RAD21: variants seen among roughly 807,000 people sequenced by gnomAD.
RAD21 encodes the protein double-strand-break repair protein rad21 homolog.
RAD21 carries 18 observed loss-of-function variants against 71.5 expected under a neutral mutation model. That is an observed-to-expected ratio of 0.25 (90% CI 0.17 to 0.37). RAD21 has a LOEUF of 0.37. Among genes scored for constraint, RAD21 ranks in the 10% least tolerant of loss-of-function variants. The probability of loss-of-function intolerance (pLI) is 1.00; values close to 1 mark genes in which losing one functional copy is unlikely to be tolerated. For missense variants in RAD21, 493 were observed against 769.1 expected, an observed-to-expected ratio of 0.64 and a Z score of 4.25; for synonymous variants, 248 against 254.0, an observed-to-expected ratio of 0.98 and a Z score of 0.22.
chr8:116,866,583 T>C lies in RAD21; in HGVS notation c.144+3A>G. 2.5e-6 allele frequency: 4 copies of C among 1,595,452 alleles called. No individual in the cohort carries two copies. The highest frequency in any genetic ancestry group is 1.7e-4 in the Middle Eastern group (1 of 6,002). ...TGAATAAAAATGTCAACATCAAACA[T>C]ACCTTTGGTGAGATGATACTCTCCA... On this transcript the variant is annotated splice_donor_region_variant and intron_variant, in intron 2 of 13. Transcript: ENST00000297338.
intron 4 of RAD21, among the ~76,000 whole-genome samples, chr8:116,859,159 A>G (rs1812532667): frequency 6.6e-6 from 1 of 151,040 alleles, no homozygotes; most frequent in South Asian, 2.1e-4. Flanking sequence ...CTGACTGGCT[A>G]TCATATAGGC....
Position 116,856,138 on chromosome 8 carries a change from G to A in RAD21, c.937+28C>T, listed in dbSNP as rs753784889. The stretch of plus-strand genomic sequence containing the variant: ...GAAATAGGACCTTATGTTGTATGCT[G>A]TATAAATCTAAAGGTTCATATGCTT... On this transcript the variant is annotated intron_variant, in intron 8 of 13. Transcript: ENST00000297338. 6 of 1,601,512 alleles carry A rather than the reference G, an allele frequency of 3.7e-6. No homozygotes were observed. The East Asian group carries it at 1.4e-4, about 36-fold the overall frequency.
At chr8:116,866,879 GTAAATGTTTAATATGTATTT>G in intron 1 of RAD21, 118 bp from the exon 2 acceptor site, 1 of 576,886 alleles carries the variant, frequency 1.7e-6, no homozygotes, top group Middle Eastern at 4.5e-4. Context: ...AAATGCTTGA[GTAAATGTTTAATATGTATTT>G]TAAAAACAAC....
chr8:116,872,248 G>A (rs1812838354), intron 1 of RAD21, among the ~76,000 whole-genome samples: 1 of 152,068 alleles, frequency 6.6e-6, no homozygotes, highest in African/African-American at 2.4e-5. Flanking sequence ...TTGAGCATTC[G>A]TGGTTTTGGT....
chr8:116,866,935 A>G (rs901222633), intron 1 of RAD21, 174 bp from the exon 2 acceptor site: 51 of 426,730 alleles, frequency 1.2e-4, no homozygotes, highest in Non-Finnish European at 1.6e-4. Flanking sequence ...CTATTGTTTT[A>G]ATTTTGAGAG....
In RAD21 at chr8:116,856,785, TGTAA is replaced by T; in HGVS notation, c.689-18_689-15del. On this transcript the variant is annotated splice_polypyrimidine_tract_variant and intron_variant, in intron 6 of 13. Transcript: ENST00000297338. ...TAAGTTTGTCATCTGAAATAGGGAA[TGTAA>T]GTTAGTTATAATTTGAAAAAGAAAT... The T allele has an allele frequency of 6.7e-7, 1 of 1,482,006 alleles. No homozygotes were observed. Among genetic ancestry groups the T allele is most frequent in the Non-Finnish European group, 9.0e-7 (1 of 1,107,600 alleles). 91.8% of individuals were successfully genotyped at this position (1,482,006 alleles called of 1,614,324 possible).
intron 1 of RAD21, among the ~76,000 whole-genome samples, chr8:116,873,920 A>T (rs1811919898): frequency 6.6e-6 from 1 of 152,242 alleles, no homozygotes; most frequent in Admixed American, 6.5e-5. Context: ...AAAACCAATT[A>T]TGCAAATATC....
At chr8:116,867,007 T>C (rs1005741267) in intron 1 of RAD21, 7 of 253,106 alleles carry the variant, frequency 2.8e-5, no homozygotes, top group Non-Finnish European at 5.2e-5. Flanking sequence ...AGAGTCAAAT[T>C]GCTTTCATGC....
At chr8:116,868,726 CA>C (rs1426325295) in intron 1 of RAD21, among the ~76,000 whole-genome samples, 2 of 151,496 alleles carry the variant, frequency 1.3e-5, no homozygotes, top group Admixed American at 1.3e-4. Context: ...CTATAATACT[CA>C]AGATTGGTAT....
At chr8:116,860,911 G>A (rs1274378716) in intron 4 of RAD21, among the ~76,000 whole-genome samples, 1 of 152,136 alleles carries the variant, frequency 6.6e-6, no homozygotes, top group Non-Finnish European at 1.5e-5. Context: ...TCTGGTGGGG[G>A]TTGTGAGGTA....
chr8:116,852,698 C>T lies in RAD21; in HGVS notation c.1172G>A (p.Arg391His), dbSNP rs1812377312. Residue 391 changes from arginine to histidine, a missense_variant, in exon 10 of 14, where the codon CGC (arginine) becomes CAC (histidine). This residue lies in a region of RAD21 where 42 missense variants were observed against 117.2 expected (regional missense o/e 0.36). Transcript: ENST00000297338. ...WNNRLLKLFT[R>H]CLTPLVPEDL... Reference sequence around the variant, plus strand: ...TTCTGGTACAAGCGGTGTAAGACAGCGTGTAAAGAGCTATTAAAAAAAAAA... The same window carrying T: ...TTCTGGTACAAGCGGTGTAAGACAGTGTGTAAAGAGCTATTAAAAAAAAAA... 16 of 1,511,720 alleles carry T rather than the reference C, an allele frequency of 1.1e-5. No individual in the cohort carries two copies. The highest frequency in any genetic ancestry group is 1.4e-5 in the South Asian group (1 of 70,978). The allele number at this position is 1,511,720 out of a possible 1,614,324, so 93.6% of individuals were successfully genotyped here.
intron 1 of RAD21, among the ~76,000 whole-genome samples, chr8:116,872,075 CA>C (rs951384243): frequency 2.0e-5 from 3 of 151,522 alleles, no homozygotes; most frequent in African/African-American, 7.3e-5. Context: ...GAGGGGGGGA[CA>C]AAAAAACACA....
At chr8:116,847,805 T>C in intron 13 of RAD21, 114 bp from the exon 14 acceptor site, 1 of 1,043,072 alleles carries the variant, frequency 9.6e-7, no homozygotes, top group South Asian at 1.7e-5. Flanking sequence ...TGAAACGTAA[T>C]TTCCCAGTGT....
Position 116,871,850 on chromosome 8 carries a change from T to G in RAD21, c.-33+2761A>C, listed in dbSNP as rs527519870. Among the ~76,000 whole-genome samples, 4 of 152,344 alleles carry G rather than the reference T, an allele frequency of 2.6e-5. No homozygotes were observed. The East Asian group carries it at 7.7e-4, about 29-fold the overall frequency. On this transcript the variant is annotated intron_variant, in intron 1 of 13. Coordinates refer to ENST00000297338, the MANE Select transcript of RAD21 (RefSeq NM_006265.3). ...AAGATAAGTAAATGTCACTAGTATT[T>G]AATGGAAGTGGAACTTGAACTTCAG... is the stretch of plus-strand genomic sequence containing the variant.
At chr8:116,868,447 G>A (rs1180392012) in intron 1 of RAD21, among the ~76,000 whole-genome samples, 2 of 152,116 alleles carry the variant, frequency 1.3e-5, no homozygotes, top group African/African-American at 4.8e-5. Flanking sequence ...AAATAAACCT[G>A]CTATAAATAT....
At chr8:116,862,275 A>C (rs745656453) in intron 3 of RAD21, among the ~76,000 whole-genome samples, 1 of 151,982 alleles carries the variant, frequency 6.6e-6, no homozygotes, top group Non-Finnish European at 1.5e-5. Context: ...TGTTAAAAGG[A>C]GCTGGTTATT....
At chr8:116,871,328 A>C (rs1195097601) in intron 1 of RAD21, among the ~76,000 whole-genome samples, 1 of 152,198 alleles carries the variant, frequency 6.6e-6, no homozygotes, top group African/African-American at 2.4e-5. Context: ...TCATGATTTG[A>C]GAATCATTTT....
chr8:116,860,813 T>C lies in RAD21; in HGVS notation c.374+1028A>G, dbSNP rs139778891. On this transcript the variant is annotated intron_variant, in intron 4 of 13. Coordinates refer to ENST00000297338, the MANE Select transcript of RAD21 (RefSeq NM_006265.3). Reference sequence around the variant, plus strand: ...ATTTTTTTAAAGGTGTGATGGGTCATGGAGGCTTTAAAAATTCTTTACCTC... The same window carrying C: ...ATTTTTTTAAAGGTGTGATGGGTCACGGAGGCTTTAAAAATTCTTTACCTC... 3.9e-5 allele frequency among the ~76,000 whole-genome samples: 6 copies of C among 152,298 alleles called. No homozygotes were observed. The East Asian group carries it at 1.2e-3, about 29-fold the overall frequency.
chr8:116,852,739 A>ATT, intron 9 of RAD21, 31 bp from the exon 10 acceptor site: 1 of 1,394,008 alleles, frequency 7.2e-7, no homozygotes, highest in Non-Finnish European at 9.5e-7. Context: ...AAAAATTTCA[A>ATT]TTATAAAATA....
Sources: allele counts gnomAD v4.1 joint callset (sites outside exome capture counted in the v4.1 genomes callset), GRCh38; gene constraint gnomAD v4.1.1; regional missense constraint gnomAD v4.1.1; transcripts MANE v1.5; gene names NCBI Gene and HGNC (gene_info 2026-07-23, HGNC 2026-07-21).